Variants in SEM1 observed in about 807,000 individuals in gnomAD.
The protein encoded by SEM1 is 26S proteasome complex subunit SEM1.
Under a neutral mutation model 12.7 loss-of-function variants are expected in SEM1, and 3 were observed. The ratio of observed to expected loss-of-function variants is 0.24; its 90% CI spans 0.11 to 0.61. SEM1 has a LOEUF of 0.61. Ranked by LOEUF, SEM1 falls within the 20% of genes least tolerant of loss-of-function variation. The pLI, the probability that SEM1 is intolerant of heterozygous loss-of-function variation, is 0.88. For synonymous variants in SEM1, 30 were observed against 27.8 expected, an observed-to-expected ratio of 1.08 and a Z score of -0.25; for missense variants, 59 against 81.3, an observed-to-expected ratio of 0.73 and a Z score of 1.06.
At chr7:96,642,168 T>C (rs182574114) in intron 2 of SEM1, among the ~76,000 whole-genome samples, 1 of 152,160 alleles carries the variant, frequency 6.6e-6, no homozygotes, top group East Asian at 1.9e-4. Context: ...TCTAGAACAT[T>C]TTCATCATTG....
chr7:96,616,408 T>G (rs1182530991), intron 2 of SEM1, among the ~76,000 whole-genome samples: 1 of 152,192 alleles, frequency 6.6e-6, no homozygotes, highest in East Asian at 1.9e-4. Context: ...TTTGTTTTTT[T>G]GATGAGTTGT....
At chr7:96,551,352 G>C (rs921011700) in intron 2 of SEM1, among the ~76,000 whole-genome samples, 32 of 152,094 alleles carry the variant, frequency 2.1e-4, no homozygotes, top group African/African-American at 7.7e-4. Flanking sequence ...CTCAAGACAA[G>C]ATAATTCTGT....
chr7:96,547,555 A>C (rs1482326096), intron 2 of SEM1, among the ~76,000 whole-genome samples: 1 of 152,170 alleles, frequency 6.6e-6, no homozygotes, highest in Admixed American at 6.5e-5. Flanking sequence ...AATGTGCCTG[A>C]CTGGCAGCAG....
intron 2 of SEM1, among the ~76,000 whole-genome samples, chr7:96,538,214 A>G (rs1288701174): frequency 6.6e-6 from 1 of 151,658 alleles, no homozygotes; most frequent in Non-Finnish European, 1.5e-5. Context: ...TACTTTTTCT[A>G]TTAGAGTCTT....
At chr7:96,481,787 A>G (rs952725140) in exon 4 of SEM1, 1 of 152,178 alleles carries the variant, frequency 6.6e-6, no homozygotes, top group African/African-American at 2.4e-5. Flanking sequence ...CACATTGTAA[A>G]TGTTCTATAT....
intron 2 of SEM1, among the ~76,000 whole-genome samples, chr7:96,524,854 C>T (rs1283090939): frequency 6.6e-6 from 1 of 152,088 alleles, no homozygotes; most frequent in African/African-American, 2.4e-5. Flanking sequence ...GTTGAAAACA[C>T]AGATTTATAC....
intron 2 of SEM1, among the ~76,000 whole-genome samples, chr7:96,662,092 A>T (rs867019351): frequency 1.3e-5 from 2 of 152,066 alleles, no homozygotes; most frequent in Non-Finnish European, 2.9e-5. Flanking sequence ...AATTAGTTCA[A>T]CCATTGTGGC....
chr7:96,615,317 ATCTCGG>A (rs1358926861), intron 2 of SEM1, among the ~76,000 whole-genome samples: 5 of 135,792 alleles, frequency 3.7e-5, no homozygotes, highest in African/African-American at 1.4e-4. Flanking sequence ...CAGTAGTGCC[ATCTCGG>A]CTTACTGCAA....
intron 2 of SEM1, among the ~76,000 whole-genome samples, chr7:96,639,004 A>G (rs1299801690): frequency 6.6e-6 from 1 of 151,986 alleles, no homozygotes; most frequent in African/African-American, 2.4e-5. Context: ...ATTCTTGTGA[A>G]AATTGAATGA....
intron 2 of SEM1, among the ~76,000 whole-genome samples, chr7:96,546,612 T>A (rs1805111675): frequency 6.6e-6 from 1 of 152,234 alleles, no homozygotes; most frequent in Non-Finnish European, 1.5e-5. Context: ...TATATAGTTA[T>A]ACAATTCATC....
In SEM1 at chr7:96,651,544, G is replaced by A. The variant is rs181153005; in HGVS notation, c.171-28901C>T. Among the ~76,000 whole-genome samples the A allele has an allele frequency of 2.0e-5, 3 of 152,264 alleles. No homozygotes were observed. The East Asian group carries it at 5.8e-4, about 29-fold the overall frequency. On this transcript the variant is annotated intron_variant, in intron 2 of 2. Transcript: ENST00000417009. ...AGAAGAAGCTTCAACCCACAGGGCT[G>A]ATAAAGAGCAAGATGGCAAAAGGAT...
intron 2 of SEM1, among the ~76,000 whole-genome samples, chr7:96,527,336 C>T (rs1804499679): frequency 1.3e-5 from 2 of 152,126 alleles, no homozygotes; most frequent in Admixed American, 1.3e-4. Flanking sequence ...GCAAAGGCCC[C>T]TGGGTAAACG....
intron 1 of SEM1, among the ~76,000 whole-genome samples, chr7:96,488,493 A>G (rs1249072174): frequency 1.3e-5 from 2 of 152,190 alleles, no homozygotes; most frequent in Admixed American, 6.5e-5. Flanking sequence ...CCATAAAGGC[A>G]TAAGAGAAAC....
At chr7:96,689,565 T>A (rs1356248709) in intron 2 of SEM1, among the ~76,000 whole-genome samples, 2 of 152,224 alleles carry the variant, frequency 1.3e-5, no homozygotes, top group Non-Finnish European at 2.9e-5. Context: ...ATGCTTTACA[T>A]CATTACATCC....
downstream of SEM1, among the ~76,000 whole-genome samples, chr7:96,621,054 A>G (rs191448470): frequency 1.0e-3 from 159 of 152,196 alleles, no homozygotes; most frequent in African/African-American, 3.7e-3. Flanking sequence ...ACTATGTATG[A>G]CCAGTATAAA....
chr7:96,647,500 C>T (rs933045799), intron 2 of SEM1: 2 of 152,108 alleles, frequency 1.3e-5, no homozygotes, highest in African/African-American at 4.8e-5. Flanking sequence ...TCCTAAATAT[C>T]TCATCAGTGA....
chr7:96,665,489 A>G (rs1489685148), intron 2 of SEM1, among the ~76,000 whole-genome samples: 1 of 152,214 alleles, frequency 6.6e-6, no homozygotes, highest in Non-Finnish European at 1.5e-5. Flanking sequence ...GAGAGAGTAA[A>G]TATGAAAAGT....
At chr7:96,666,331 G>A (rs1789171917) in intron 2 of SEM1, among the ~76,000 whole-genome samples, 1 of 152,098 alleles carries the variant, frequency 6.6e-6, no homozygotes, top group Admixed American at 6.5e-5. Context: ...AGAGTCCTGG[G>A]TTCAAATCCT....
chr7:96,604,844 A>C (rs775369710), intron 2 of SEM1, among the ~76,000 whole-genome samples: 2 of 151,976 alleles, frequency 1.3e-5, no homozygotes, highest in African/African-American at 4.8e-5. Context: ...TCTTGAACCC[A>C]GTAGGCAGAG....
Sources: allele counts gnomAD v4.1 joint callset (sites outside exome capture counted in the v4.1 genomes callset), GRCh38; gene constraint gnomAD v4.1.1; transcripts MANE v1.5; gene names NCBI Gene and HGNC (gene_info 2026-07-23, HGNC 2026-07-21).